Variants in SULF1 observed in about 807,000 individuals in gnomAD.
SULF1 encodes extracellular sulfatase Sulf-1.
SULF1 carries 46 observed loss-of-function variants against 110.5 expected under a neutral mutation model. The ratio of observed to expected loss-of-function variants is 0.42; its 90% confidence interval spans 0.33 to 0.53. The LOEUF is 0.53. Among genes scored for constraint, SULF1 ranks in the 20% least tolerant of loss-of-function variants. SULF1 has a pLI of 0.12. For synonymous variants in SULF1, 371 were observed against 387.1 expected, an observed-to-expected ratio of 0.96 and a Z score of 0.49; for missense variants, 941 against 1,094.2, an observed-to-expected ratio of 0.86 and a Z score of 1.98.
chr8:69,588,836 A>T (rs1806658201), intron 7 of SULF1, 136 bp from the exon 8 acceptor site: 2 of 708,422 alleles, frequency 2.8e-6, no homozygotes. Flanking sequence ...CTGCCTTGGG[A>T]GGTGCAGCCT....
At chr8:69,573,962 C>T (rs557825111) in intron 5 of SULF1, among the ~76,000 whole-genome samples, 1 of 152,288 alleles carries the variant, frequency 6.6e-6, no homozygotes, top group African/African-American at 2.4e-5. Context: ...CTTAGGGTCG[C>T]TCTGTGTCAG....
chr8:69,475,377 G>A (rs528469770), intron 1 of SULF1, among the ~76,000 whole-genome samples: 72 of 151,202 alleles, frequency 4.8e-4, no homozygotes, highest in Middle Eastern at 6.8e-3. Context: ...AGAGAGAGGG[G>A]GATAACAAGA....
intron 8 of SULF1, among the ~76,000 whole-genome samples, chr8:69,595,099 C>T (rs557000665): frequency 6.6e-6 from 1 of 152,160 alleles, no homozygotes; most frequent in African/African-American, 2.4e-5. Context: ...TTTAAACAGT[C>T]GATTTTATGA....
At chr8:69,620,249 C>T (rs1026687693) in intron 13 of SULF1, among the ~76,000 whole-genome samples, 26 of 152,154 alleles carry the variant, frequency 1.7e-4, no homozygotes, top group African/African-American at 5.8e-4. Context: ...CAGCTTGTCT[C>T]CTCATCTCCT....
At chr8:69,603,538 G>A (rs1586525287) in intron 11 of SULF1, 62 bp from the exon 12 acceptor site, 1 of 1,401,444 alleles carries the variant, frequency 7.1e-7, no homozygotes, top group South Asian at 1.2e-5. Flanking sequence ...TAAGCTGTTA[G>A]CACAGATCCA....
At position 69,522,387 on chromosome 8, in the gene SULF1, G is replaced by C. The variant is rs114239547; in HGVS notation, c.-134+20419G>C. The stretch of plus-strand genomic sequence containing the variant: ...GCTGTCCCAAGCAACTGAAAGGACA[G>C]AGCTGCCATCAACAGAGATTAGAAA... On this transcript the variant is annotated intron_variant, in intron 3 of 22. Coordinates refer to ENST00000402687, the MANE Select transcript of SULF1 (RefSeq NM_001128205.2). Among the ~76,000 whole-genome samples the C allele has an allele frequency of 3.8e-3, 574 of 152,286 alleles. 2 individuals are homozygous for C. Among genetic ancestry groups the C allele is most frequent in the African/African-American group, 0.013 (548 of 41,564 alleles).
chr8:69,642,946 G>A (rs1175826388), intron 22 of SULF1, among the ~76,000 whole-genome samples: 1 of 152,054 alleles, frequency 6.6e-6, no homozygotes, highest in African/African-American at 2.4e-5. Context: ...CATAATCTTG[G>A]CAACTTTAGT....
intron 3 of SULF1, among the ~76,000 whole-genome samples, chr8:69,510,837 G>A (rs908634132): frequency 1.3e-5 from 2 of 151,652 alleles, no homozygotes; most frequent in African/African-American, 2.4e-5. Flanking sequence ...GGCTGGTCTC[G>A]AACTCCTGAC....
intron 22 of SULF1, chr8:69,642,493 T>C: frequency 1.4e-6 from 1 of 734,336 alleles, no homozygotes; most frequent in Non-Finnish European, 1.7e-6. Context: ...CCAGCACACA[T>C]AAGACAGAGC....
At chr8:69,588,020 C>T (rs9643604) in intron 7 of SULF1, among the ~76,000 whole-genome samples, 68,576 of 152,052 alleles carry the variant, frequency 0.45, 16,493 homozygotes, top group Non-Finnish European at 0.54. Context: ...TGTTCTGGTC[C>T]TTAAATCCAC....
At chr8:69,626,568 G>T (rs555912706) in intron 15 of SULF1, among the ~76,000 whole-genome samples, 23 of 152,366 alleles carry the variant, frequency 1.5e-4, no homozygotes, top group African/African-American at 5.3e-4. Flanking sequence ...GGCTGCACAG[G>T]AGCCCATGGA....
At chr8:69,469,919 G>T (rs1443889537) in intron 1 of SULF1, among the ~76,000 whole-genome samples, 2 of 152,146 alleles carry the variant, frequency 1.3e-5, no homozygotes, top group African/African-American at 2.4e-5. Flanking sequence ...GTGGGCACCT[G>T]TAATCCCAGC....
chr8:69,528,298 C>T (rs1812841521), intron 3 of SULF1, among the ~76,000 whole-genome samples: 1 of 152,166 alleles, frequency 6.6e-6, no homozygotes, highest in South Asian at 2.1e-4. Context: ...AAATCCCCAA[C>T]TCAGCAATTC....
intron 3 of SULF1, among the ~76,000 whole-genome samples, chr8:69,506,769 C>A (rs1337180548): frequency 6.6e-6 from 1 of 152,202 alleles, no homozygotes; most frequent in Non-Finnish European, 1.5e-5. Context: ...AAAAATAGCT[C>A]TTCCCCTGGC....
chr8:69,633,189 T>C lies in SULF1; in HGVS notation c.2284+3510T>C, dbSNP rs139149650. On this transcript the variant is annotated intron_variant, in intron 19 of 22. Transcript: ENST00000402687. Reference sequence around the variant, plus strand: ...AATGCTTAAGGAAAACAAATCTCAGTGTCCCACTTAACAATGCAGTGAGAC... The same window carrying C: ...AATGCTTAAGGAAAACAAATCTCAGCGTCCCACTTAACAATGCAGTGAGAC... 1.7e-3 allele frequency among the ~76,000 whole-genome samples: 252 copies of C among 152,326 alleles called. 1 individual carries two copies. The Middle Eastern group carries it at 0.017, about 10-fold the overall frequency.
intron 5 of SULF1, among the ~76,000 whole-genome samples, chr8:69,566,819 C>T (rs947634069): frequency 3.9e-5 from 6 of 152,170 alleles, no homozygotes; most frequent in African/African-American, 1.4e-4. Context: ...CATTGCACTC[C>T]AGCCTGGGCT....
At position 69,629,590 on chromosome 8, in the gene SULF1, G is replaced by A. The variant is rs199542001; in HGVS notation, c.2195G>A (p.Arg732Gln). 653 of 1,613,984 alleles carry A rather than the reference G, an allele frequency of 4.0e-4. 9 individuals carry two copies. The highest frequency in any genetic ancestry group is 3.9e-3 in the South Asian group (351 of 91,050). Residue 732 changes from arginine to glutamine, a missense_variant, in exon 19 of 23, where the codon CGG becomes CAG. This residue lies in a region of SULF1 where 822 missense variants were observed against 934.3 expected (regional missense o/e 0.88). Coordinates refer to ENST00000402687, the MANE Select transcript of SULF1 (RefSeq NM_001128205.2). ...AAGAAGGAGAGGAAGGAGAAGAGAC[G>A]GCAGAGGAAGGGGGAAGAGTGCAGC... ...RRKKERKEKR[R>Q]QRKGEECSLP...
chr8:69,526,861 A>G (rs1212768612), intron 3 of SULF1, among the ~76,000 whole-genome samples: 2,362 of 130,832 alleles, frequency 0.018, 24 homozygotes, highest in Middle Eastern at 0.051. Flanking sequence ...AAGGAAGGAA[A>G]GAAGGAGGAA....
intron 3 of SULF1, among the ~76,000 whole-genome samples, chr8:69,534,484 A>G (rs1303185514): frequency 6.6e-6 from 1 of 152,218 alleles, no homozygotes; most frequent in Non-Finnish European, 1.5e-5. Context: ...ATTAGGCTAC[A>G]TTTTTAGAAA....
Sources: gnomAD v4.1 joint callset for allele counts (sites outside exome capture counted in the v4.1 genomes callset) on GRCh38, gnomAD v4.1.1 for gene constraint, gnomAD v4.1.1 regional missense constraint, MANE v1.5 for transcripts, NCBI Gene and HGNC (gene_info 2026-07-23, HGNC 2026-07-21) for gene names.